Variants in SVIL observed in about 807,000 individuals in gnomAD.
The protein encoded by SVIL is archvillin.
SVIL carries 101 observed loss-of-function variants against 240.4 expected under a neutral mutation model. The observed-to-expected ratio is 0.42, with a 90% CI of 0.36 to 0.50. SVIL has a LOEUF of 0.50. SVIL is among the 20% of genes least tolerant of loss of function. The probability of loss-of-function intolerance (pLI) is 0.01; values close to 1 mark genes in which losing one functional copy is unlikely to be tolerated. For missense variants in SVIL, 2,512 were observed against 2,818.7 expected, an observed-to-expected ratio of 0.89 and a Z score of 2.46; for synonymous variants, 999 against 1,100.0, an observed-to-expected ratio of 0.91 and a Z score of 1.82.
chr10:29,508,919 C>A (rs1423884960), intron 17 of SVIL, among the ~76,000 whole-genome samples: 2 of 152,160 alleles, frequency 1.3e-5, no homozygotes, highest in Non-Finnish European at 2.9e-5. Context: ...TGGGAGCCAC[C>A]GTGTGTGCCT....
chr10:29,486,530 T>C lies in SVIL; in HGVS notation c.4513A>G (p.Thr1505Ala), dbSNP rs1217504474. ...KASELATLIQTKRELGCRATY... is the reference protein window; with the variant it reads ...KASELATLIQAKRELGCRATY... ...GCTCTACAACCAAGTTCCCTCTTTG[T>C]CTGAATTAAAGTTGCAAGTTCTGAG... The change falls in exon 25 of 38, where the codon ACA becomes GCA. Residue 1505 changes from threonine to alanine, a missense_variant. Thr to Ala is a moderately conservative substitution (Grantham distance 58). Transcript: ENST00000355867. 6 of 1,614,154 alleles carry C rather than the reference T, an allele frequency of 3.7e-6. No individual in the cohort carries two copies. Among genetic ancestry groups the C allele is most frequent in the Admixed American group, 3.3e-5 (2 of 60,020 alleles).
At chr10:29,596,300 G>A (rs963905857) in intron 1 of SVIL, among the ~76,000 whole-genome samples, 3 of 152,198 alleles carry the variant, frequency 2.0e-5, no homozygotes, top group Middle Eastern at 3.4e-3. Context: ...GTGAGACCCC[G>A]TCTCTATAAA....
chr10:29,556,227 A>G (rs1332763356), intron 3 of SVIL, among the ~76,000 whole-genome samples: 1 of 152,146 alleles, frequency 6.6e-6, no homozygotes, highest in Non-Finnish European at 1.5e-5. Flanking sequence ...TTAAATTCAT[A>G]AGGGCGCATC....
intron 1 of SVIL, among the ~76,000 whole-genome samples, chr10:29,717,374 A>C (rs1317243482): frequency 6.6e-6 from 1 of 151,568 alleles, no homozygotes; most frequent in Non-Finnish European, 1.5e-5. Context: ...CTAGCTAGAG[A>C]GGCAGGAGAA....
At chr10:29,560,916 G>A (rs562932671) in intron 3 of SVIL, among the ~76,000 whole-genome samples, 1 of 150,888 alleles carries the variant, frequency 6.6e-6, no homozygotes, top group Admixed American at 6.6e-5. Flanking sequence ...TTGGCTCACG[G>A]CAACCTCCGC....
At chr10:29,553,814 A>G (rs1295687171) in intron 5 of SVIL, among the ~76,000 whole-genome samples, 1 of 152,226 alleles carries the variant, frequency 6.6e-6, no homozygotes, top group Non-Finnish European at 1.5e-5. Context: ...CTACATTAAG[A>G]TAACTTAGAT....
chr10:29,703,314 T>C (rs573114629), intron 1 of SVIL, among the ~76,000 whole-genome samples: 5 of 152,322 alleles, frequency 3.3e-5, no homozygotes, highest in Non-Finnish European at 7.3e-5. Flanking sequence ...ATGCTGAGCA[T>C]TTCTGCGCTT....
intron 3 of SVIL, among the ~76,000 whole-genome samples, chr10:29,557,817 G>C (rs533880448): frequency 6.6e-6 from 1 of 152,154 alleles, no homozygotes; most frequent in Non-Finnish European, 1.5e-5. Context: ...TCTCAGGATA[G>C]GATCTAGCAG....
intron 1 of SVIL, among the ~76,000 whole-genome samples, chr10:29,707,912 A>C (rs1398009305): frequency 1.3e-5 from 2 of 152,146 alleles, no homozygotes; most frequent in Non-Finnish European, 2.9e-5. Context: ...CAGGGCTGTG[A>C]TTTAAACTCA....
chr10:29,512,734 C>T lies in SVIL; in HGVS notation c.3516+1G>A, dbSNP rs113787766. 1 of 1,614,034 alleles carries T rather than the reference C, an allele frequency of 6.2e-7. No individual in the cohort carries two copies. The highest frequency in any genetic ancestry group is 1.7e-5 in the Admixed American group (1 of 60,010). On this transcript the variant is annotated splice_donor_variant, in intron 17 of 37. Transcript: ENST00000355867. LOFTEE classifies it high-confidence loss of function. ...GCTTTTCCTAACATGGGGAATGTTA[C>T]CTTCTTGATGAGGGACCGCCCTGCT...
chr10:29,491,387 T>A (rs1291288340), intron 21 of SVIL, among the ~76,000 whole-genome samples: 4 of 152,140 alleles, frequency 2.6e-5, no homozygotes, highest in Non-Finnish European at 4.4e-5. Flanking sequence ...TTTGGAATCA[T>A]ACACCCATGT....
chr10:29,559,288 G>A (rs2132679152), intron 3 of SVIL, among the ~76,000 whole-genome samples: 1 of 112,198 alleles, frequency 8.9e-6, no homozygotes, highest in Non-Finnish European at 1.7e-5. Flanking sequence ...ACTATATTGG[G>A]TTTATTTTTA....
At chr10:29,549,901 T>G (rs12571304) in intron 6 of SVIL, among the ~76,000 whole-genome samples, 1 of 112,802 alleles carries the variant, frequency 8.9e-6, no homozygotes, top group East Asian at 3.0e-4. Flanking sequence ...AGGGATAGCA[T>G]TGGGAGATAT....
In SVIL at chr10:29,487,053, G is replaced by A. The variant is rs187482048; in HGVS notation, c.4485+110C>T. 1.9e-4 allele frequency: 262 copies of A among 1,376,752 alleles called. 1 individual carries two copies. In the East Asian group the frequency reaches 4.6e-3, roughly 24 times the overall value. 85.3% of individuals were successfully genotyped at this position (1,376,752 alleles called of 1,614,324 possible). On this transcript the variant is annotated intron_variant, in intron 24 of 37. Coordinates refer to ENST00000355867, the MANE Select transcript of SVIL (RefSeq NM_021738.3). ...AAATCCTACCTATCCCTTCTCACTT[G>A]AATGCAACACCTGGCTTTTGAGAAG...
intron 3 of SVIL, among the ~76,000 whole-genome samples, chr10:29,647,814 GT>G (rs1958709988): frequency 6.6e-6 from 1 of 152,016 alleles, no homozygotes; most frequent in East Asian, 1.9e-4. Flanking sequence ...GATTCCTTCA[GT>G]GTTTTTATAA....
intron 2 of SVIL, among the ~76,000 whole-genome samples, chr10:29,659,696 CA>C (rs578111419): frequency 1.2e-3 from 179 of 152,284 alleles, no homozygotes; most frequent in African/African-American, 4.2e-3. Context: ...TTATTGTCAC[CA>C]CTGCCTGGTG....
At chr10:29,478,115 C>T (rs1379127434) in intron 29 of SVIL, among the ~76,000 whole-genome samples, 1 of 152,082 alleles carries the variant, frequency 6.6e-6, no homozygotes, top group Non-Finnish European at 1.5e-5. Flanking sequence ...GTTCCCAGTT[C>T]CATTACTCCA....
chr10:29,472,366 T>C (rs7897170), intron 30 of SVIL, among the ~76,000 whole-genome samples: 71,623 of 152,096 alleles, frequency 0.47, 18,374 homozygotes, highest in African/African-American at 0.67. Context: ...TTTTAGGAAA[T>C]GTGATTGGTT....
intron 2 of SVIL, among the ~76,000 whole-genome samples, chr10:29,669,397 A>G (rs2133054664): frequency 6.6e-6 from 1 of 152,340 alleles, no homozygotes; most frequent in Non-Finnish European, 1.5e-5. Context: ...AGTGCTGTTC[A>G]GTGATGGCTG....
Sources: gnomAD v4.1 joint callset for allele counts (sites outside exome capture counted in the v4.1 genomes callset) on GRCh38, gnomAD v4.1.1 for gene constraint, MANE v1.5 for transcripts, NCBI Gene and HGNC (gene_info 2026-07-23, HGNC 2026-07-21) for gene names.